HS3ST4: variants seen among roughly 807,000 people sequenced by gnomAD.
HS3ST4 encodes heparan sulfate glucosamine 3-O-sulfotransferase 4.
A neutral mutation model predicts 29.2 loss-of-function variants in HS3ST4; 17 were observed. The observed-to-expected ratio is 0.58, with a 90% CI of 0.40 to 0.87. HS3ST4 has a LOEUF of 0.87. HS3ST4 is among the 40% of genes least tolerant of loss of function. HS3ST4 has a pLI of 0.00. For synonymous variants in HS3ST4, 314 were observed against 285.7 expected, an observed-to-expected ratio of 1.10 and a Z score of -1.00; for missense variants, 627 against 634.5, an observed-to-expected ratio of 0.99 and a Z score of 0.13.
chr16:25,733,225 G>A (rs898102606), intron 1 of HS3ST4, among the ~76,000 whole-genome samples: 1 of 152,222 alleles, frequency 6.6e-6, no homozygotes, highest in African/African-American at 2.4e-5. Flanking sequence ...CGTGAGACAC[G>A]CTTTTTCTAT....
At chr16:25,808,262 T>C (rs1967007700) in intron 1 of HS3ST4, among the ~76,000 whole-genome samples, 1 of 152,220 alleles carries the variant, frequency 6.6e-6, no homozygotes, top group South Asian at 2.1e-4. Flanking sequence ...AATTTTATGT[T>C]TTACATTTAA....
chr16:25,988,758 G>A (rs1969087410), intron 1 of HS3ST4, among the ~76,000 whole-genome samples: 1 of 151,678 alleles, frequency 6.6e-6, no homozygotes, highest in African/African-American at 2.4e-5. Context: ...TAACAAATGG[G>A]TACTAGGCTT....
intron 1 of HS3ST4, among the ~76,000 whole-genome samples, chr16:26,087,041 C>A (rs1898798442): frequency 6.6e-6 from 1 of 152,202 alleles, no homozygotes; most frequent in Admixed American, 6.5e-5. Context: ...TTTTCCAAGG[C>A]TTTCATGCAG....
chr16:25,965,502 A>C (rs1968834483), intron 1 of HS3ST4, among the ~76,000 whole-genome samples: 1 of 152,056 alleles, frequency 6.6e-6, no homozygotes. Flanking sequence ...GTGAATTCTC[A>C]ATGTTTGGTA....
chr16:25,933,389 T>C (rs755304456), intron 1 of HS3ST4: 8 of 516,984 alleles, frequency 1.5e-5, no homozygotes, highest in Non-Finnish European at 3.1e-5. Context: ...AACAGAGGTG[T>C]CTTGAACTGG....
intron 1 of HS3ST4, among the ~76,000 whole-genome samples, chr16:26,126,202 T>C (rs1899341658): frequency 6.6e-6 from 1 of 152,170 alleles, no homozygotes; most frequent in Non-Finnish European, 1.5e-5. Context: ...TCTGAGTCAA[T>C]GTTGGCCAGA....
intron 1 of HS3ST4, among the ~76,000 whole-genome samples, chr16:25,786,790 G>A (rs1460617217): frequency 6.6e-6 from 1 of 152,134 alleles, no homozygotes. Flanking sequence ...TCAAATGCTT[G>A]ATTATACTAT....
intron 1 of HS3ST4, among the ~76,000 whole-genome samples, chr16:25,851,047 C>T (rs533862405): frequency 6.6e-6 from 1 of 152,206 alleles, no homozygotes; most frequent in East Asian, 1.9e-4. Context: ...AAGAGTGAAG[C>T]TTAATTTGGA....
chr16:25,827,320 C>T (rs1488717171), intron 1 of HS3ST4, among the ~76,000 whole-genome samples: 3 of 152,088 alleles, frequency 2.0e-5, no homozygotes, highest in Admixed American at 2.0e-4. Flanking sequence ...TTCCTTCGTT[C>T]AAGCAATAAG....
At chr16:26,059,189 T>A (rs1202992131) in intron 1 of HS3ST4, among the ~76,000 whole-genome samples, 1 of 152,112 alleles carries the variant, frequency 6.6e-6, no homozygotes, top group Non-Finnish European at 1.5e-5. Context: ...AGAGGTCTTG[T>A]CAGAGTGGCA....
At chr16:25,848,974 C>T (rs1486504114) in intron 1 of HS3ST4, among the ~76,000 whole-genome samples, 4 of 152,022 alleles carry the variant, frequency 2.6e-5, no homozygotes, top group East Asian at 1.9e-4. Flanking sequence ...TCCAGTTGTT[C>T]GTTTCTAAAC....
At chr16:25,876,622 C>G (rs1338491490) in intron 1 of HS3ST4, among the ~76,000 whole-genome samples, 2 of 152,000 alleles carry the variant, frequency 1.3e-5, no homozygotes, top group African/African-American at 4.8e-5. Context: ...GTGGACTGAC[C>G]GAAACCCTCT....
rs950369456 is a variant in HS3ST4 at position 26,101,044 on chromosome 16, C to T, written c.735-34568C>T. Among the ~76,000 whole-genome samples, 9 of 152,310 alleles carry T rather than the reference C, an allele frequency of 5.9e-5. No individual in the cohort carries two copies. In the South Asian group the frequency reaches 1.7e-3, roughly 28 times the overall value. On this transcript the variant is annotated intron_variant, in intron 1 of 1. Coordinates refer to ENST00000331351, the MANE Select transcript of HS3ST4 (RefSeq NM_006040.3). ...AGCCCAGAGCCTGGGAATCTCCTCA[C>T]TGCTAATATTCAGTCTGTCAACAGA... is the stretch of plus-strand genomic sequence containing the variant.
intron 1 of HS3ST4, among the ~76,000 whole-genome samples, chr16:25,867,491 C>T (rs1967708333): frequency 6.6e-6 from 1 of 152,116 alleles, no homozygotes; most frequent in Admixed American, 6.6e-5. Flanking sequence ...GACTGATTTC[C>T]TTTACCAAAT....
chr16:26,102,804 G>A (rs1899004553), intron 1 of HS3ST4, among the ~76,000 whole-genome samples: 1 of 152,190 alleles, frequency 6.6e-6, no homozygotes, highest in South Asian at 2.1e-4. Flanking sequence ...AATGAAATAG[G>A]AGTTTCCTTT....
chr16:25,710,781 C>CCAG (rs953139098), intron 1 of HS3ST4, among the ~76,000 whole-genome samples: 21 of 145,486 alleles, frequency 1.4e-4, no homozygotes, highest in African/African-American at 5.3e-4. Flanking sequence ...TTTCTAATTT[C>CCAG]CAGCAGTTGT....
chr16:25,895,857 C>T (rs137924815), intron 1 of HS3ST4, among the ~76,000 whole-genome samples: 32 of 152,254 alleles, frequency 2.1e-4, no homozygotes, highest in African/African-American at 7.7e-4. Context: ...CTTCTGACAA[C>T]ACTATATTGG....
intron 1 of HS3ST4, among the ~76,000 whole-genome samples, chr16:25,916,042 G>A (rs1481212107): frequency 1.3e-5 from 2 of 152,190 alleles, no homozygotes; most frequent in Non-Finnish European, 2.9e-5. Flanking sequence ...CTTCAGACAT[G>A]GAGGAGGATA....
chr16:26,071,880 T>A (rs1898607431), intron 1 of HS3ST4, among the ~76,000 whole-genome samples: 1 of 152,140 alleles, frequency 6.6e-6, no homozygotes, highest in Non-Finnish European at 1.5e-5. Flanking sequence ...TGTTAGCATA[T>A]AACTAAGTGC....
Sources: gnomAD v4.1 joint callset for allele counts (sites outside exome capture counted in the v4.1 genomes callset) on GRCh38, gnomAD v4.1.1 for gene constraint, MANE v1.5 for transcripts, NCBI Gene and HGNC (gene_info 2026-07-23, HGNC 2026-07-21) for gene names.